Variants in RUNDC3B observed in about 807,000 individuals in gnomAD.
The protein encoded by RUNDC3B is RUN domain-containing protein 3B.
A neutral mutation model predicts 58.4 loss-of-function variants in RUNDC3B; 33 were observed. That is an observed-to-expected ratio of 0.56 (90% CI 0.43 to 0.75). RUNDC3B has a LOEUF of 0.75. RUNDC3B is among the 30% of genes least tolerant of loss of function. The probability of loss-of-function intolerance (pLI) is 0.00; values close to 1 mark genes in which losing one functional copy is unlikely to be tolerated. For synonymous variants in RUNDC3B, 193 were observed against 195.2 expected, an observed-to-expected ratio of 0.99 and a Z score of 0.10; for missense variants, 501 against 535.7, an observed-to-expected ratio of 0.94 and a Z score of 0.64.
At chr7:87,796,720 AAG>A (rs1193570506) in intron 8 of RUNDC3B, among the ~76,000 whole-genome samples, 1 of 152,206 alleles carries the variant, frequency 6.6e-6, no homozygotes, top group East Asian at 1.9e-4. Flanking sequence ...CTTCAAAAAT[AAG>A]AGAGACGTTA....
At chr7:87,668,357 T>A (rs541889475) in intron 2 of RUNDC3B, among the ~76,000 whole-genome samples, 2 of 152,086 alleles carry the variant, frequency 1.3e-5, no homozygotes, top group South Asian at 4.1e-4. Context: ...TCTCATTGTG[T>A]TTATTTGGAG....
At chr7:87,767,267 G>C (rs1306158698) in intron 6 of RUNDC3B, among the ~76,000 whole-genome samples, 1 of 151,988 alleles carries the variant, frequency 6.6e-6, no homozygotes, top group Admixed American at 6.6e-5. Flanking sequence ...TCTATTCCTA[G>C]AGAACTAGTG....
intron 4 of RUNDC3B, among the ~76,000 whole-genome samples, chr7:87,716,469 G>A (rs529163658): frequency 6.6e-6 from 1 of 152,262 alleles, no homozygotes; most frequent in African/African-American, 2.4e-5. Context: ...GCTCTTAAAT[G>A]TCTCCATTGC....
intron 2 of RUNDC3B, among the ~76,000 whole-genome samples, chr7:87,683,805 C>G (rs926688645): frequency 1.3e-5 from 2 of 152,168 alleles, no homozygotes; most frequent in Non-Finnish European, 2.9e-5. Flanking sequence ...CACCGAAAGA[C>G]TTGCTGGATG....
chr7:87,750,666 A>C (rs1832921360), intron 6 of RUNDC3B, among the ~76,000 whole-genome samples: 1 of 150,912 alleles, frequency 6.6e-6, no homozygotes. Context: ...TTTTGGCTGC[A>C]TAAATGTCTT....
intron 10 of RUNDC3B, among the ~76,000 whole-genome samples, chr7:87,823,413 TTTTTTTTAA>T (rs1239972844): frequency 8.2e-6 from 1 of 122,124 alleles, no homozygotes; most frequent in African/African-American, 3.6e-5. Flanking sequence ...TTTATTTTTA[TTTTTTTTAA>T]TTTTTTTATT....
At chr7:87,644,568 T>C (rs1456163620) in intron 1 of RUNDC3B, among the ~76,000 whole-genome samples, 2 of 152,222 alleles carry the variant, frequency 1.3e-5, no homozygotes, top group Non-Finnish European at 2.9e-5. Context: ...TGATTCTAGA[T>C]GTTTTCATGT....
chr7:87,781,712 G>A (rs567004092), intron 8 of RUNDC3B, among the ~76,000 whole-genome samples: 17 of 151,956 alleles, frequency 1.1e-4, no homozygotes, highest in East Asian at 1.9e-4. Flanking sequence ...GGATTTTATC[G>A]AAAGCTTTTT....
intron 3 of RUNDC3B, among the ~76,000 whole-genome samples, chr7:87,707,692 TAAATA>T (rs899256475): frequency 3.8e-4 from 58 of 151,640 alleles, no homozygotes; most frequent in African/African-American, 9.2e-4. Flanking sequence ...ATAAAATAAA[TAAATA>T]AAATAAAATA....
chr7:87,826,346 T>A (rs1165564963), intron 10 of RUNDC3B, among the ~76,000 whole-genome samples: 1 of 151,820 alleles, frequency 6.6e-6, no homozygotes. Context: ...ATGTGAGATG[T>A]GCCTTTCACC....
intron 1 of RUNDC3B, among the ~76,000 whole-genome samples, chr7:87,630,688 CTTT>C (rs771607643): frequency 1.4e-5 from 2 of 142,380 alleles, no homozygotes; most frequent in East Asian, 2.0e-4. Flanking sequence ...TTTGCTTAGT[CTTT>C]TTTTTTTTTT....
At chr7:87,648,594 A>T (rs1823262732) in intron 1 of RUNDC3B, among the ~76,000 whole-genome samples, 1 of 152,178 alleles carries the variant, frequency 6.6e-6, no homozygotes, top group African/African-American at 2.4e-5. Context: ...TGAGGCAAGC[A>T]CTGTTCAGAT....
At chr7:87,780,075 A>G (rs551220866) in intron 8 of RUNDC3B, among the ~76,000 whole-genome samples, 8 of 152,318 alleles carry the variant, frequency 5.3e-5, no homozygotes, top group African/African-American at 1.7e-4. Context: ...GCTATTGTCA[A>G]TAGTGCTGTG....
In RUNDC3B at chr7:87,679,794, T is replaced by C. The variant is rs144014763; in HGVS notation, c.239-20627T>C. Among the ~76,000 whole-genome samples, 476 of 150,576 alleles carry C rather than the reference T, an allele frequency of 3.2e-3. 33 individuals carry two copies. The highest frequency in any genetic ancestry group is 0.011 in the African/African-American group (458 of 40,582). On this transcript the variant is annotated intron_variant, in intron 2 of 10. Coordinates refer to ENST00000394654, the MANE Select transcript of RUNDC3B (RefSeq NM_001134405.2). ...TTAAAAAAGATCTTATTCTGAGCCA[T>C]AAAAGAAACCTTAGCAAATTTAAAA...
At chr7:87,801,088 G>C (rs1425835602) in intron 8 of RUNDC3B, among the ~76,000 whole-genome samples, 2 of 152,264 alleles carry the variant, frequency 1.3e-5, no homozygotes, top group Non-Finnish European at 1.5e-5. Flanking sequence ...TTTCACTGTG[G>C]TGTCACTTTG....
At chr7:87,773,363 A>G (rs1420689815) in intron 7 of RUNDC3B, among the ~76,000 whole-genome samples, 1 of 151,700 alleles carries the variant, frequency 6.6e-6, no homozygotes, top group Non-Finnish European at 1.5e-5. Flanking sequence ...CACAAAGAAT[A>G]TATATCAGTG....
chr7:87,665,839 A>T (rs573325027), intron 2 of RUNDC3B, among the ~76,000 whole-genome samples: 1 of 152,216 alleles, frequency 6.6e-6, no homozygotes, highest in African/African-American at 2.4e-5. Flanking sequence ...GATGATCTCC[A>T]GCTTGATCCA....
intron 10 of RUNDC3B, among the ~76,000 whole-genome samples, chr7:87,828,739 C>T (rs1412412126): frequency 2.0e-5 from 3 of 152,152 alleles, no homozygotes; most frequent in Non-Finnish European, 4.4e-5. Flanking sequence ...GATATATACC[C>T]AGTAATGGGA....
At chr7:87,810,996 T>C (rs1836684885) in intron 9 of RUNDC3B, among the ~76,000 whole-genome samples, 4 of 152,302 alleles carry the variant, frequency 2.6e-5, no homozygotes, top group Admixed American at 2.6e-4. Flanking sequence ...GTATAAAACA[T>C]GTTCCTTTAA....
Sources: allele counts gnomAD v4.1 joint callset (sites outside exome capture counted in the v4.1 genomes callset), GRCh38; gene constraint gnomAD v4.1.1; transcripts MANE v1.5; gene names NCBI Gene and HGNC (gene_info 2026-07-23, HGNC 2026-07-21).